The following NALF1 variants were observed in gnomAD, a reference collection of about 807,000 sequenced individuals.
NALF1 encodes the protein family with sequence similarity 155 member A.
In NALF1, 3 loss-of-function variants were observed where a neutral mutation model predicts 48.4. The observed-to-expected ratio is 0.06, with a 90% confidence interval of 0.03 to 0.16. The LOEUF (loss-of-function observed/expected upper bound fraction) is 0.16, where lower values mean the gene tolerates loss of function less well. Ranked by LOEUF, NALF1 falls within the 10% of genes least tolerant of loss-of-function variation. NALF1 has a pLI of 1.00. For missense variants in NALF1, 526 were observed against 571.5 expected, an observed-to-expected ratio of 0.92 and a Z score of 0.81; for synonymous variants, 262 against 245.7, an observed-to-expected ratio of 1.07 and a Z score of -0.62.
At chr13:107,438,756 C>A (rs373185651) in intron 1 of NALF1, among the ~76,000 whole-genome samples, 1 of 132,980 alleles carries the variant, frequency 7.5e-6, no homozygotes, top group African/African-American at 2.9e-5. Flanking sequence ...ACCCAGGAGG[C>A]GGAGTTTGCA....
At chr13:107,754,276 G>T (rs1877023070) in intron 1 of NALF1, among the ~76,000 whole-genome samples, 1 of 151,074 alleles carries the variant, frequency 6.6e-6, no homozygotes, top group Admixed American at 6.6e-5. Flanking sequence ...CATTTGATTT[G>T]ATTTTAGTGG....
At chr13:107,794,256 C>T (rs1878339627) in intron 1 of NALF1, among the ~76,000 whole-genome samples, 1 of 152,144 alleles carries the variant, frequency 6.6e-6, no homozygotes, top group Admixed American at 6.5e-5. Flanking sequence ...AACATGAAAG[C>T]CCCTGGTTAC....
chr13:107,187,535 T>C (rs1231629337), intron 2 of NALF1, among the ~76,000 whole-genome samples: 1 of 152,214 alleles, frequency 6.6e-6, no homozygotes, highest in Admixed American at 6.5e-5. Flanking sequence ...AGATGAAGAC[T>C]GATCCTGAGG....
chr13:107,631,122 C>T (rs1879822822), intron 1 of NALF1, among the ~76,000 whole-genome samples: 1 of 152,100 alleles, frequency 6.6e-6, no homozygotes, highest in Non-Finnish European at 1.5e-5. Context: ...CTCAGCCTCC[C>T]AGTAGCTGGG....
chr13:107,461,332 AG>A (rs1248900792), intron 1 of NALF1, among the ~76,000 whole-genome samples: 1 of 152,324 alleles, frequency 6.6e-6, no homozygotes, highest in African/African-American at 2.4e-5. Context: ...ATTAACATGA[AG>A]TAATTAAACT....
At chr13:107,659,846 T>C (rs1880681962) in intron 1 of NALF1, among the ~76,000 whole-genome samples, 1 of 151,602 alleles carries the variant, frequency 6.6e-6, no homozygotes, top group African/African-American at 2.4e-5. Flanking sequence ...AGTCTCGCTC[T>C]GTTGCCCAGG....
At chr13:107,484,943 T>G (rs749527762) in intron 1 of NALF1, among the ~76,000 whole-genome samples, 1 of 152,164 alleles carries the variant, frequency 6.6e-6, no homozygotes, top group Non-Finnish European at 1.5e-5. Context: ...TATTTGTCTT[T>G]AGGGTATTTC....
At chr13:107,785,343 G>A (rs1878040831) in intron 1 of NALF1, among the ~76,000 whole-genome samples, 1 of 151,922 alleles carries the variant, frequency 6.6e-6, no homozygotes, top group South Asian at 2.1e-4. Context: ...TAAAGACATG[G>A]TCTATATGAT....
chr13:107,668,143 T>C (rs917778592), intron 1 of NALF1, among the ~76,000 whole-genome samples: 4 of 152,152 alleles, frequency 2.6e-5, no homozygotes, highest in Admixed American at 6.6e-5. Context: ...CACTGGACTA[T>C]GGTAAGGCAT....
At chr13:107,702,574 A>G (rs1024190066) in intron 1 of NALF1, among the ~76,000 whole-genome samples, 3 of 152,056 alleles carry the variant, frequency 2.0e-5, no homozygotes, top group Non-Finnish European at 4.4e-5. Flanking sequence ...TCAGGGGTAC[A>G]TGTCAGGATG....
intron 1 of NALF1, among the ~76,000 whole-genome samples, chr13:107,629,472 T>C (rs1409962753): frequency 1.3e-5 from 2 of 152,200 alleles, no homozygotes; most frequent in Non-Finnish European, 2.9e-5. Context: ...TTTGATGCAT[T>C]AGGCTTCAAG....
intron 1 of NALF1, among the ~76,000 whole-genome samples, chr13:107,278,690 G>GC (rs910041512): frequency 1.4e-4 from 21 of 152,088 alleles, no homozygotes; most frequent in Admixed American, 4.6e-4. Context: ...AGCATTGTTT[G>GC]TTTTTTTAAA....
intron 1 of NALF1, among the ~76,000 whole-genome samples, chr13:107,832,108 G>A (rs1263501755): frequency 6.6e-6 from 1 of 152,004 alleles, no homozygotes; most frequent in Non-Finnish European, 1.5e-5. Flanking sequence ...CCAAAACTGT[G>A]ACATGAACTG....
chr13:107,248,254 C>T (rs887079043), intron 1 of NALF1, among the ~76,000 whole-genome samples: 1 of 151,984 alleles, frequency 6.6e-6, no homozygotes, highest in Non-Finnish European at 1.5e-5. Flanking sequence ...CCCAGGTAAT[C>T]GTTGAAATTT....
chr13:107,402,331 CCA>C (rs1883823665), intron 1 of NALF1, among the ~76,000 whole-genome samples: 2 of 152,184 alleles, frequency 1.3e-5, no homozygotes, highest in Non-Finnish European at 2.9e-5. Flanking sequence ...CTGCTAGCAA[CCA>C]CAGAGCTTGG....
chr13:107,454,584 T>C (rs1275517106), intron 1 of NALF1, among the ~76,000 whole-genome samples: 1 of 152,164 alleles, frequency 6.6e-6, no homozygotes, highest in Non-Finnish European at 1.5e-5. Flanking sequence ...CAACACAAGA[T>C]GATATTTGGG....
At chr13:107,661,970 T>A (rs1476091397) in intron 1 of NALF1, among the ~76,000 whole-genome samples, 1 of 152,126 alleles carries the variant, frequency 6.6e-6, no homozygotes. Flanking sequence ...TTTTAAAAAA[T>A]TGTATGAGGA....
intron 1 of NALF1, among the ~76,000 whole-genome samples, chr13:107,774,498 C>A (rs7318230): frequency 6.6e-6 from 1 of 152,152 alleles, no homozygotes; most frequent in African/African-American, 2.4e-5. Context: ...GCTACATTAA[C>A]TATGTTGGCC....
intron 1 of NALF1, among the ~76,000 whole-genome samples, chr13:107,507,304 G>A (rs994528541): frequency 6.6e-6 from 1 of 152,026 alleles, no homozygotes; most frequent in Non-Finnish European, 1.5e-5. Flanking sequence ...AATGGCAGTG[G>A]TATCTAGCAG....
Sources: allele counts gnomAD v4.1 joint callset (sites outside exome capture counted in the v4.1 genomes callset), GRCh38; gene constraint gnomAD v4.1.1; transcripts MANE v1.5; gene names NCBI Gene and HGNC (gene_info 2026-07-23, HGNC 2026-07-21).